The following MYH4 variants were observed in gnomAD, a reference collection of about 807,000 sequenced individuals.
The protein encoded by MYH4 is myosin-4.
MYH4 carries 200 observed loss-of-function variants against 229.9 expected under a neutral mutation model. The observed-to-expected ratio is 0.87, with a 90% CI of 0.78 to 0.98. The LOEUF is 0.98. MYH4 is among the 50% of genes least tolerant of loss of function. The pLI is 0.00. For missense variants in MYH4, 2,148 were observed against 2,332.6 expected, an observed-to-expected ratio of 0.92 and a Z score of 1.63; for synonymous variants, 761 against 834.6, an observed-to-expected ratio of 0.91 and a Z score of 1.52.
chr17:10,452,022 C>A lies in MYH4; in HGVS notation c.3657G>T (p.Gln1219His). ...EQIDSLQRVKQKLEKEKSELK... is the reference protein window; with the variant it reads ...EQIDSLQRVKHKLEKEKSELK... ...GCTCACTCTTTTCCTTCTCCAGCTT[C>A]TGCTTGACCCGCTGAAGGCTGTCAA... Residue 1219 changes from glutamine to histidine, a missense_variant, in exon 27 of 40, where the codon CAG (glutamine) becomes CAT (histidine). Gln to His is a conservative substitution (Grantham distance 24). Coordinates refer to ENST00000255381, the MANE Select transcript of MYH4 (RefSeq NM_017533.2). 1 of 1,613,868 alleles carries A rather than the reference C, an allele frequency of 6.2e-7. No individual in the cohort carries two copies. Among genetic ancestry groups the A allele is most frequent in the Non-Finnish European group, 8.5e-7 (1 of 1,179,890 alleles).
At chr17:10,461,527 CA>C (rs2072702147) in intron 11 of MYH4, among the ~76,000 whole-genome samples, 1 of 152,130 alleles carries the variant, frequency 6.6e-6, no homozygotes, top group Admixed American at 6.5e-5. Context: ...TGCTAATGGG[CA>C]TGAGTGATAA....
chr17:10,455,574 A>G (rs1374373924), intron 19 of MYH4, 40 bp downstream of exon 19: 2 of 1,607,362 alleles, frequency 1.2e-6, no homozygotes, highest in Non-Finnish European at 1.7e-6. Flanking sequence ...GATTTTGTGT[A>G]GACTAAGACA....
At position 10,459,272 on chromosome 17, in the gene MYH4, G is replaced by A. The variant is rs1199997673; in HGVS notation, c.1566C>T (p.Ala522=). Residue 522 remains alanine (A), a synonymous_variant, in exon 15 of 40, where the codon GCC becomes GCT. Coordinates refer to ENST00000255381, the MANE Select transcript of MYH4 (RefSeq NM_017533.2). ...GAACCTTCTCGATGAGCTCGATGCA[G>A]GCAGCCAGGTCCATCCCGAAGTCAA... ...EFIDFGMDLA[A]CIELIEKPMG... 3.1e-6 allele frequency: 5 copies of A among 1,614,030 alleles called. No homozygotes were observed. Among genetic ancestry groups the A allele is most frequent in the Non-Finnish European group, 4.2e-6 (5 of 1,180,004 alleles).
chr17:10,463,613 T>C lies in MYH4; in HGVS notation c.679A>G (p.Asn227Asp). ...TTGCCGAAGGCTTCCAGTAGGGGGT[T>C]AGCACTGATGATTTGATCTTCAAGG... ...GTLEDQIISA[N>D]PLLEAFGNAK... is the part of the protein sequence containing the mutation. The change falls in exon 8 of 40, where the codon AAC (asparagine) becomes GAC (aspartate). Residue 227 changes from asparagine (N) to aspartate (D), a missense_variant. Transcript: ENST00000255381. 6.2e-7 allele frequency: 1 copy of C among 1,612,746 alleles called. No homozygotes were observed. Among genetic ancestry groups the C allele is most frequent in the Non-Finnish European group, 8.5e-7 (1 of 1,179,454 alleles).
intron 2 of MYH4, among the ~76,000 whole-genome samples, chr17:10,467,297 A>G (rs2072777897): frequency 6.6e-6 from 1 of 152,238 alleles, no homozygotes; most frequent in East Asian, 1.9e-4. Context: ...ATTTACTAAA[A>G]TTGAATGTAG....
chr17:10,457,053 C>T (rs933417402), intron 16 of MYH4, among the ~76,000 whole-genome samples: 2 of 152,196 alleles, frequency 1.3e-5, no homozygotes, highest in African/African-American at 4.8e-5. Flanking sequence ...CTTCAGTTCC[C>T]CAAGCACTAG....
Position 10,447,150 on chromosome 17 carries a change from C to A in MYH4, c.5032G>T (p.Val1678Phe), listed in dbSNP as rs748940973. The A allele has an allele frequency of 4.3e-6, 7 of 1,614,134 alleles. No homozygotes were observed. Among genetic ancestry groups the A allele is most frequent in the Non-Finnish European group, 5.1e-6 (6 of 1,180,018 alleles). Reference sequence around the variant, plus strand: ...TGCATCAGGTTAGCTCTGCGCTCAACCATTGCCAGTTGTTCCTTAAGGTCA... The same window carrying A: ...TGCATCAGGTTAGCTCTGCGCTCAAACATTGCCAGTTGTTCCTTAAGGTCA... ...QDDLKEQLAM[V>F]ERRANLMQAE... Residue 1678 changes from valine (V) to phenylalanine (F), a missense_variant, in exon 35 of 40, where the codon GTT (valine) becomes TTT (phenylalanine). Physicochemically the swap from Val to Phe is conservative, Grantham distance 50. Transcript: ENST00000255381.
At chr17:10,457,312 T>C (rs1253505753) in intron 16 of MYH4, 108 bp downstream of exon 16, 12 of 1,228,492 alleles carry the variant, frequency 9.8e-6, no homozygotes, top group Non-Finnish European at 1.4e-5. Context: ...TAGGCATGTA[T>C]TGGCCAGTGT....
Position 10,444,693 on chromosome 17 carries a change from C to T in MYH4, c.5578G>A (p.Glu1860Lys). 6.2e-7 allele frequency: 1 copy of T among 1,613,800 alleles called. No homozygotes were observed. Among genetic ancestry groups the T allele is most frequent in the Middle Eastern group, 1.7e-4 (1 of 6,060 alleles). ...RVKELTYQTE[E>K]DRKNILRLQD... Reference sequence around the variant, plus strand: ...AGCCTGAGAATATTCTTGCGGTCCTCCTCAGTCTGAAAGAGGTGCAAGTAG... The same window carrying T: ...AGCCTGAGAATATTCTTGCGGTCCTTCTCAGTCTGAAAGAGGTGCAAGTAG... Residue 1860 changes from glutamate (E) to lysine (K), a missense_variant, in exon 39 of 40, where the codon GAG (glutamate) becomes AAG (lysine). Physicochemically the swap from Glu to Lys is moderately conservative, Grantham distance 56. Transcript: ENST00000255381.
Position 10,459,260 on chromosome 17 carries a change from G to C in MYH4, c.1578C>G (p.Leu526=). Reference sequence around the variant, plus strand: ...GAAAAGTCATATGAACCTTCTCGATGAGCTCGATGCAGGCAGCCAGGTCCA... The same window carrying C: ...GAAAAGTCATATGAACCTTCTCGATCAGCTCGATGCAGGCAGCCAGGTCCA... ...FGMDLAACIE[L]IEKPMGIFSI... Residue 526 remains leucine (L), a synonymous_variant, in exon 15 of 40, where the codon CTC becomes CTG. Coordinates refer to ENST00000255381, the MANE Select transcript of MYH4 (RefSeq NM_017533.2). 1.2e-6 allele frequency: 2 copies of C among 1,614,022 alleles called. No individual in the cohort carries two copies. Among genetic ancestry groups the C allele is most frequent in the Non-Finnish European group, 8.5e-7 (1 of 1,179,978 alleles).
chr17:10,446,081 C>T (rs2070452071), intron 35 of MYH4, among the ~76,000 whole-genome samples: 1 of 145,570 alleles, frequency 6.9e-6, no homozygotes, highest in African/African-American at 2.5e-5. Context: ...AAAAATGAGC[C>T]AAGAATCCCT....
chr17:10,465,867 C>T (rs911811203), intron 4 of MYH4, among the ~76,000 whole-genome samples: 1 of 148,724 alleles, frequency 6.7e-6, no homozygotes, highest in East Asian at 2.0e-4. Flanking sequence ...CTCCGCCTCC[C>T]GGGTTCACGC....
chr17:10,453,107 T>A, intron 24 of MYH4, 45 bp downstream of exon 24: 2 of 1,611,488 alleles, frequency 1.2e-6, no homozygotes, highest in Non-Finnish European at 1.7e-6. Flanking sequence ...ATGTCACAAT[T>A]GTTTATTTCA....
At chr17:10,446,736 C>A (rs569216241) in intron 35 of MYH4, among the ~76,000 whole-genome samples, 17 of 152,238 alleles carry the variant, frequency 1.1e-4, no homozygotes, top group Admixed American at 2.6e-4. Context: ...AAGACAGCTA[C>A]AAATGTTGTG....
chr17:10,463,669 AAAG>A (rs746150112), intron 7 of MYH4, 26 bp from the exon 8 acceptor site: 14 of 1,542,116 alleles, frequency 9.1e-6, no homozygotes, highest in Middle Eastern at 1.7e-4. Context: ...TAAGACAGAC[AAAG>A]AAAAAAGTTG....
chr17:10,451,643 A>G (rs2072574703), intron 27 of MYH4, among the ~76,000 whole-genome samples, 191 bp from the exon 28 acceptor site: 1 of 152,198 alleles, frequency 6.6e-6, no homozygotes, highest in Non-Finnish European at 1.5e-5. Flanking sequence ...TCAAAATTAT[A>G]TTCTCTTTGA....
intron 7 of MYH4, among the ~76,000 whole-genome samples, chr17:10,464,215 A>T (rs1354429184): frequency 6.6e-6 from 1 of 151,918 alleles, no homozygotes; most frequent in East Asian, 1.9e-4. Context: ...TCCCATCTTT[A>T]TGCCCATTCA....
At chr17:10,446,698 C>G (rs2072515435) in intron 35 of MYH4, among the ~76,000 whole-genome samples, 1 of 152,068 alleles carries the variant, frequency 6.6e-6, no homozygotes, top group Non-Finnish European at 1.5e-5. Context: ...ATTTGCCTAT[C>G]TTTTTGTAGC....
In MYH4 at chr17:10,465,667, G is replaced by T; in HGVS notation, c.349-69C>A. 4 of 1,592,658 alleles carry T rather than the reference G, an allele frequency of 2.5e-6. 1 individual carries two copies. In the Admixed American group the frequency reaches 6.7e-5, roughly 27 times the overall value. On this transcript the variant is annotated intron_variant, in intron 4 of 39. Transcript: ENST00000255381. Reference sequence around the variant, plus strand: ...TATCTATCTTGGAAATACTGTTTAAGGGCAAGTAGAGCAGGACCTAAGTAC... The same window carrying T: ...TATCTATCTTGGAAATACTGTTTAATGGCAAGTAGAGCAGGACCTAAGTAC...
Sources: gnomAD v4.1 joint callset for allele counts (sites outside exome capture counted in the v4.1 genomes callset) on GRCh38, gnomAD v4.1.1 for gene constraint, MANE v1.5 for transcripts, NCBI Gene and HGNC (gene_info 2026-07-23, HGNC 2026-07-21) for gene names.